GAK: variants seen among roughly 807,000 people sequenced by gnomAD.
The protein encoded by GAK is cyclin-G-associated kinase.
Under a neutral mutation model 143.9 loss-of-function variants are expected in GAK, and 79 were observed. The observed-to-expected ratio is 0.55, with a 90% CI of 0.46 to 0.66. GAK has a LOEUF of 0.66. GAK is among the 30% of genes least tolerant of loss of function. The pLI, the probability that GAK is intolerant of heterozygous loss-of-function variation, is 0.00. For missense variants in GAK, 1,693 were observed against 1,779.7 expected (o/e 0.95, Z 0.88); for synonymous variants, 881 against 765.5 (o/e 1.15, Z -2.49).
chr4:895,000 A>C (rs1326488879), intron 7 of GAK, among the ~76,000 whole-genome samples: 1 of 91,180 alleles, frequency 1.1e-5, no homozygotes. Context: ...TAAATAAATA[A>C]ATAAATAAAT....
chr4:895,917 C>G (rs1718679500), intron 7 of GAK, among the ~76,000 whole-genome samples: 1 of 152,188 alleles, frequency 6.6e-6, no homozygotes, highest in Non-Finnish European at 1.5e-5. Flanking sequence ...TCAGGCAGAC[C>G]CAGCCGCACA....
Position 870,868 on chromosome 4 carries a change from G to A in GAK, c.2091C>T (p.Tyr697=), listed in dbSNP as rs1382276388. ...DLDACDIQEK[Y]PDLFQVNLEV... is the part of the protein sequence containing the mutation. The stretch of plus-strand genomic sequence containing the variant: ...CCAGGTTCACTTGAAATAAATCCGG[G>A]TATTTTTCTTGAATGTCACACGCGT... Residue 697 remains tyrosine (Y), a synonymous_variant, in exon 19 of 28, where the codon TAC becomes TAT. Coordinates refer to ENST00000314167, the MANE Select transcript of GAK (RefSeq NM_005255.4). 6.2e-7 allele frequency: 1 copy of A among 1,613,762 alleles called. No homozygotes were observed. The highest frequency in any genetic ancestry group is 1.1e-5 in the South Asian group (1 of 91,028).
At chr4:912,823 A>T (rs1433608147) in intron 2 of GAK, 29 bp from the exon 3 acceptor site, 1 of 1,604,242 alleles carries the variant, frequency 6.2e-7, no homozygotes, top group Non-Finnish European at 8.5e-7. Context: ...CACACAAAAG[A>T]TGAAAGCAAG....
At chr4:854,647 C>A (rs1748804741) in intron 24 of GAK, among the ~76,000 whole-genome samples, 1 of 152,226 alleles carries the variant, frequency 6.6e-6, no homozygotes. Flanking sequence ...CTTCTCTCCA[C>A]AGACGCGTCT....
chr4:877,003 G>T, intron 17 of GAK, 87 bp downstream of exon 17: 1 of 903,650 alleles, frequency 1.1e-6, no homozygotes, highest in East Asian at 2.6e-5. Flanking sequence ...CTGGACCCTC[G>T]GTGAGAAGTG....
chr4:901,822 C>T (rs1369226881), intron 5 of GAK, among the ~76,000 whole-genome samples: 1 of 152,208 alleles, frequency 6.6e-6, no homozygotes, highest in East Asian at 1.9e-4. Flanking sequence ...GCGCCGCTCC[C>T]GATTAGCGAG....
chr4:859,069 A>T, intron 24 of GAK: 2 of 679,502 alleles, frequency 2.9e-6, no homozygotes, highest in Non-Finnish European at 1.8e-6. Flanking sequence ...GCATCTTGGG[A>T]GTGAACCCAG....
At chr4:913,198 C>T (rs945582591) in intron 2 of GAK, among the ~76,000 whole-genome samples, 1 of 152,234 alleles carries the variant, frequency 6.6e-6, no homozygotes, top group Non-Finnish European at 1.5e-5. Context: ...GGCCTTCTTA[C>T]GTCTCAGGAC....
chr4:900,218 C>T (rs999814372), intron 5 of GAK, among the ~76,000 whole-genome samples: 6 of 152,062 alleles, frequency 3.9e-5, no homozygotes, highest in East Asian at 1.9e-4. Context: ...CACCTGTGCC[C>T]GTTCCCATTC....
Position 932,229 on chromosome 4 carries a change from G to A in GAK, c.-42C>T. Reference sequence around the variant, plus strand: ...CACCCCGCGGCAGCCGGAGTGGTCGGGCTCGGGCTCCCGCTCCCTCGCCGT... The same window carrying A: ...CACCCCGCGGCAGCCGGAGTGGTCGAGCTCGGGCTCCCGCTCCCTCGCCGT... On this transcript the variant is annotated 5_prime_UTR_variant, in exon 1 of 28. Coordinates refer to ENST00000314167, the MANE Select transcript of GAK (RefSeq NM_005255.4). The surrounding 1 kb of genome is among the most constrained non-coding windows in gnomAD (Gnocchi z 4.0). 1.3e-6 allele frequency: 2 copies of A among 1,489,038 alleles called. No homozygotes were observed. The highest frequency in any genetic ancestry group is 8.9e-7 in the Non-Finnish European group (1 of 1,124,216). The allele number at this position is 1,489,038 out of a possible 1,614,324, so 92.2% of individuals were successfully genotyped here.
chr4:921,973 A>T (rs1439322679), intron 1 of GAK, among the ~76,000 whole-genome samples: 2 of 152,306 alleles, frequency 1.3e-5, no homozygotes, highest in Non-Finnish European at 1.5e-5. Context: ...ATCGCTACAC[A>T]TGTATCACAA....
intron 23 of GAK, among the ~76,000 whole-genome samples, chr4:861,920 G>A (rs62295557): frequency 0.25 from 37,594 of 152,216 alleles, 4,788 homozygotes; most frequent in Non-Finnish European, 0.27. Flanking sequence ...AGGTGAAGAC[G>A]CTGCAGAAGA....
intron 1 of GAK, among the ~76,000 whole-genome samples, chr4:924,641 G>A (rs1034389578): frequency 6.6e-6 from 1 of 151,314 alleles, no homozygotes; most frequent in Admixed American, 6.6e-5. Flanking sequence ...ATGTTCACTT[G>A]TGACCCTCAA....
At chr4:850,742 G>A in intron 26 of GAK, 194 bp downstream of exon 26, 1 of 385,170 alleles carries the variant, frequency 2.6e-6, no homozygotes, top group East Asian at 6.2e-5. Flanking sequence ...AGGCCACCCT[G>A]TCCTTGAGGG....
rs1712428987 is a variant in GAK, at chr4:870,853, T to G, written c.2106A>C (p.Gln702His). ...DIQEKYPDLF[Q>H]VNLEVEVEPR... ...GCTCCACCTCCACTTCCAGGTTCAC[T>G]TGAAATAAATCCGGGTATTTTTCTT... is the stretch of plus-strand genomic sequence containing the variant. The change falls in exon 19 of 28, where the codon CAA becomes CAC. Residue 702 changes from glutamine (Q) to histidine (H), a missense_variant. Coordinates refer to ENST00000314167, the MANE Select transcript of GAK (RefSeq NM_005255.4). 5.0e-6 allele frequency: 8 copies of G among 1,613,906 alleles called. No individual in the cohort carries two copies. The highest frequency in any genetic ancestry group is 1.3e-5 in the African/African-American group (1 of 74,932).
At chr4:882,617 G>A (rs1032434724) in intron 14 of GAK, 80 bp downstream of exon 14, 23 of 1,536,020 alleles carry the variant, frequency 1.5e-5, no homozygotes, top group Middle Eastern at 1.8e-4. Flanking sequence ...CTCATGACTG[G>A]CGCTCAGATC....
At chr4:884,183 G>C in intron 11 of GAK, 97 bp from the exon 12 acceptor site, 1 of 1,072,552 alleles carries the variant, frequency 9.3e-7, no homozygotes, top group Non-Finnish European at 1.4e-6. Flanking sequence ...AGAAGCCGTG[G>C]GGCTCTCACT....
intron 7 of GAK, chr4:894,783 C>A (rs1323921062): frequency 6.6e-6 from 1 of 152,150 alleles, no homozygotes; most frequent in East Asian, 1.9e-4. Context: ...GAGTTCAAGA[C>A]CAGCCTGGCC....
chr4:928,486 G>A (rs1428407983), intron 1 of GAK, among the ~76,000 whole-genome samples: 2 of 152,296 alleles, frequency 1.3e-5, no homozygotes, highest in South Asian at 2.1e-4. Flanking sequence ...AGTCGTGATC[G>A]CTCCACTGCA....
Sources: gnomAD v4.1 joint callset for allele counts (sites outside exome capture counted in the v4.1 genomes callset) on GRCh38, gnomAD v4.1.1 for gene constraint, Gnocchi (gnomAD v3.1) non-coding constraint, MANE v1.5 for transcripts, NCBI Gene and HGNC (gene_info 2026-07-23, HGNC 2026-07-21) for gene names.